The following MAP2K3 variants were observed in gnomAD, a reference collection of about 807,000 sequenced individuals.
The protein encoded by MAP2K3 is mitogen-activated protein kinase kinase 3, also known as dual specificity mitogen-activated protein kinase kinase 3.
A neutral mutation model predicts 46.4 loss-of-function variants in MAP2K3; 30 were observed. The observed-to-expected ratio is 0.65, with a 90% CI of 0.48 to 0.88. The LOEUF (loss-of-function observed/expected upper bound fraction) is 0.88. MAP2K3 is among the 40% of genes least tolerant of loss of function. The pLI is 0.00. For synonymous variants in MAP2K3, 189 were observed against 176.3 expected (o/e 1.07, Z -0.57); for missense variants, 380 against 464.5 (o/e 0.82, Z 1.67).
intron 1 of MAP2K3, among the ~76,000 whole-genome samples, chr17:21,293,797 G>A (rs1388774457): frequency 6.6e-6 from 1 of 152,308 alleles, no homozygotes; most frequent in Non-Finnish European, 1.5e-5. Context: ...CCGTGTATGA[G>A]GCCAGATGGC....
In MAP2K3 at chr17:21,284,798, C is replaced by G; in HGVS notation, c.-123C>G. ...GCCGCAGTCGCCGCCGCCGCCGCCG[C>G]CGCCGCCGCTGCTCCTCCGCCTGGC... On this transcript the variant is annotated 5_prime_UTR_variant, in exon 1 of 12. Transcript: ENST00000342679. The G allele has an allele frequency of 8.6e-7, 1 of 1,168,888 alleles. No homozygotes were observed. Among genetic ancestry groups the G allele is most frequent in the Non-Finnish European group, 1.2e-6 (1 of 866,638 alleles). 72.4% of individuals were successfully genotyped at this position (1,168,888 alleles called of 1,614,324 possible).
chr17:21,293,608 G>T (rs189063072), intron 1 of MAP2K3, among the ~76,000 whole-genome samples: 128 of 152,326 alleles, frequency 8.4e-4, no homozygotes, highest in African/African-American at 2.8e-3. Flanking sequence ...GGAAGTCCCT[G>T]TAGGGTAGAG....
Position 21,295,838 on chromosome 17 carries a change from G to A in MAP2K3, c.50-2575G>A, listed in dbSNP as rs1468048533. On this transcript the variant is annotated intron_variant, in intron 1 of 11. Coordinates refer to ENST00000342679, the MANE Select transcript of MAP2K3 (RefSeq NM_145109.3). ...ACATTCCCAAATCCCAAGGCATGAG[G>A]TGGGTGGCAGGCTGGGGCCAGAGGG... 2.3e-6 allele frequency: 3 copies of A among 1,289,576 alleles called. No individual in the cohort carries two copies. In the East Asian group the frequency reaches 1.7e-4, roughly 71 times the overall value. 79.9% of individuals were successfully genotyped at this position (1,289,576 alleles called of 1,614,324 possible). A position where few individuals can be genotyped will look rare whatever the true frequency, so the allele number is the denominator to read the frequency against.
At chr17:21,290,639 T>G (rs1337595158) in intron 1 of MAP2K3, among the ~76,000 whole-genome samples, 2 of 152,312 alleles carry the variant, frequency 1.3e-5, no homozygotes, top group African/African-American at 4.8e-5. Flanking sequence ...AGAACCCCGT[T>G]TTTGGTATGT....
Position 21,302,243 on chromosome 17 carries a change from G to A in MAP2K3, c.500G>A (p.Gly167Glu), listed in dbSNP as rs1221576051. 2.5e-6 allele frequency: 4 copies of A among 1,613,682 alleles called. No homozygotes were observed. Among genetic ancestry groups the A allele is most frequent in the Non-Finnish European group, 3.4e-6 (4 of 1,179,736 alleles). ...KNMTIPEDIL[G>E]EIAVSIVRAL... ...ATGACAATTCCAGAGGACATCCTTG[G>A]GGAGATTGCTGTGTCTGTGAGTGGC... The change falls in exon 6 of 12, where the codon GGG becomes GAG. Residue 167 changes from glycine to glutamate, a missense_variant. Around this residue, in one of 5 missense-constraint regions of MAP2K3, gnomAD observed 294 missense variants for 275.4 expected, o/e 1.07. Transcript: ENST00000342679.
At chr17:21,304,880 C>A (rs1976808153) in intron 8 of MAP2K3, among the ~76,000 whole-genome samples, 171 bp from the exon 9 acceptor site, 1 of 152,310 alleles carries the variant, frequency 6.6e-6, no homozygotes, top group South Asian at 2.1e-4. Context: ...CAGACCGATG[C>A]AAGGGTTGGG....
At chr17:21,303,889 CT>C (rs1976742102) in intron 7 of MAP2K3, among the ~76,000 whole-genome samples, 1 of 152,308 alleles carries the variant, frequency 6.6e-6, no homozygotes, top group South Asian at 2.1e-4. Context: ...CCTTCTGGTC[CT>C]TTTTATGTGC....
At chr17:21,309,292 G>A (rs73313783) in intron 9 of MAP2K3, among the ~76,000 whole-genome samples, 2 of 152,304 alleles carry the variant, frequency 1.3e-5, no homozygotes, top group East Asian at 3.8e-4. Flanking sequence ...GTTGGTCAGC[G>A]AGTCACAGGC....
At chr17:21,304,904 A>C in intron 8 of MAP2K3, 147 bp from the exon 9 acceptor site, 1 of 1,039,198 alleles carries the variant, frequency 9.6e-7, no homozygotes, top group Non-Finnish European at 1.5e-6. Flanking sequence ...TCTAAGCATG[A>C]CCCAGGCCCT....
chr17:21,293,179 G>A (rs1976039424), intron 1 of MAP2K3, among the ~76,000 whole-genome samples: 3 of 152,254 alleles, frequency 2.0e-5, no homozygotes, highest in South Asian at 2.1e-4. Context: ...CATGGGGCAT[G>A]GAGGACCCAG....
chr17:21,289,670 C>T (rs1975829453), intron 1 of MAP2K3, among the ~76,000 whole-genome samples: 1 of 152,214 alleles, frequency 6.6e-6, no homozygotes, highest in African/African-American at 2.4e-5. Flanking sequence ...GAAGCAGTGG[C>T]CCTGGAAACC....
intron 1 of MAP2K3, among the ~76,000 whole-genome samples, chr17:21,290,046 A>G (rs1485769890): frequency 6.6e-6 from 1 of 152,204 alleles, no homozygotes; most frequent in Non-Finnish European, 1.5e-5. Flanking sequence ...CCTTGCCTGC[A>G]TCACTGTGCT....
intron 1 of MAP2K3, among the ~76,000 whole-genome samples, chr17:21,287,616 G>C (rs1240063291): frequency 6.6e-6 from 1 of 152,242 alleles, no homozygotes; most frequent in Non-Finnish European, 1.5e-5. Flanking sequence ...TTTTCCCCTG[G>C]CCTCCTTGCC....
intron 1 of MAP2K3, among the ~76,000 whole-genome samples, chr17:21,285,964 G>A (rs1975712125): frequency 6.6e-6 from 1 of 152,070 alleles, no homozygotes; most frequent in Admixed American, 6.5e-5. Context: ...AGGCTGGGTT[G>A]TGCGAGAGAT....
intron 3 of MAP2K3, among the ~76,000 whole-genome samples, chr17:21,300,268 C>T (rs1013843591): frequency 1.3e-5 from 2 of 152,308 alleles, no homozygotes; most frequent in Non-Finnish European, 2.9e-5. Flanking sequence ...GCACCTCTTT[C>T]TCAGAGCTGT....
rs1976639333 is a variant in MAP2K3 at position 21,302,137 on chromosome 17, C to CTCCCA, written c.400-6_400-5insTCCCA. On this transcript the variant is annotated splice_polypyrimidine_tract_variant and splice_region_variant and intron_variant, in intron 5 of 11. Coordinates refer to ENST00000342679, the MANE Select transcript of MAP2K3 (RefSeq NM_145109.3). The stretch of plus-strand genomic sequence containing the variant: ...AGCCTGGCTGAGCTCTGGGTGTCAC[C>CTCCCA]CACAGGGAGACGTGTGGATCTGCAT... 6.2e-7 allele frequency: 1 copy of CTCCCA among 1,614,122 alleles called. No individual in the cohort carries two copies. The highest frequency in any genetic ancestry group is 1.1e-5 in the South Asian group (1 of 91,094).
At chr17:21,291,405 G>A in intron 1 of MAP2K3, 1 of 444,196 alleles carries the variant, frequency 2.3e-6, no homozygotes, top group African/African-American at 2.2e-5. Context: ...AGCACAGATG[G>A]CGTTTGTTCA....
chr17:21,311,985 G>A (rs62055361), intron 9 of MAP2K3, 157 bp from the exon 10 acceptor site: 29 of 672,132 alleles, frequency 4.3e-5, no homozygotes, highest in South Asian at 2.1e-4. Context: ...CGGCTTTCTC[G>A]CCTTTGTTCT....
intron 1 of MAP2K3, chr17:21,295,882 G>T (rs1208012423): frequency 1.8e-5 from 23 of 1,282,008 alleles, no homozygotes; most frequent in African/African-American, 3.0e-5. Context: ...CAGAGAGAGT[G>T]CAGGGAGGGT....
Sources: gnomAD v4.1 joint callset for allele counts (sites outside exome capture counted in the v4.1 genomes callset) on GRCh38, gnomAD v4.1.1 for gene constraint, gnomAD v4.1.1 regional missense constraint, MANE v1.5 for transcripts, NCBI Gene and HGNC (gene_info 2026-07-23, HGNC 2026-07-21) for gene names.